GSE1: variants seen among roughly 807,000 people sequenced by gnomAD.
GSE1 encodes genetic suppressor element 1.
In GSE1, 32 loss-of-function variants were observed where a neutral mutation model predicts 112.6. The observed-to-expected ratio is 0.28, with a 90% CI of 0.21 to 0.38. The LOEUF (loss-of-function observed/expected upper bound fraction) is 0.38, where lower values mean the gene tolerates loss of function less well. Among genes scored for constraint, GSE1 ranks in the 10% least tolerant of loss-of-function variants. The probability of loss-of-function intolerance (pLI) is 1.00; values close to 1 mark genes in which losing one functional copy is unlikely to be tolerated. For missense variants in GSE1, 2,348 were observed against 1,699.2 expected, an observed-to-expected ratio of 1.38 and a Z score of -6.71; for synonymous variants, 1,115 against 735.6, an observed-to-expected ratio of 1.52 and a Z score of -8.35.
chr16:85,244,513 G>A (rs1386438226), intron 1 of GSE1, among the ~76,000 whole-genome samples: 1 of 152,100 alleles, frequency 6.6e-6, no homozygotes, highest in African/African-American at 2.4e-5. Context: ...CACTAAGTTG[G>A]TATCATTTGT....
At chr16:85,626,274 G>A (rs538220884) in intron 1 of GSE1, among the ~76,000 whole-genome samples, 4 of 152,264 alleles carry the variant, frequency 2.6e-5, no homozygotes, top group South Asian at 4.1e-4. Flanking sequence ...CTTGGAGCAC[G>A]TGGAGGGCAG....
chr16:85,416,244 A>G (rs1307601323), intron 2 of GSE1, among the ~76,000 whole-genome samples: 1 of 152,242 alleles, frequency 6.6e-6, no homozygotes, highest in Non-Finnish European at 1.5e-5. Flanking sequence ...AAATTGCATT[A>G]TTAAATATGA....
At chr16:85,656,016 C>T in intron 6 of GSE1, 99 bp downstream of exon 6, 3 of 916,492 alleles carry the variant, frequency 3.3e-6, no homozygotes, top group East Asian at 5.2e-5. Context: ...ACTCCTTGGC[C>T]ATGCCTGTCC....
chr16:85,577,529 G>A (rs1379039983), intron 1 of GSE1, among the ~76,000 whole-genome samples: 1 of 152,150 alleles, frequency 6.6e-6, no homozygotes, highest in Admixed American at 6.5e-5. Flanking sequence ...TGCAGTACCT[G>A]CATGGGCTCA....
intron 2 of GSE1, among the ~76,000 whole-genome samples, chr16:85,479,651 G>A (rs553732295): frequency 1.4e-4 from 21 of 152,246 alleles, no homozygotes; most frequent in Admixed American, 7.9e-4. Flanking sequence ...GCTGAGTGTC[G>A]AGGTTTTTAG....
At chr16:85,638,400 C>T (rs1294771737) in intron 2 of GSE1, among the ~76,000 whole-genome samples, 3 of 152,358 alleles carry the variant, frequency 2.0e-5, no homozygotes, top group Admixed American at 1.3e-4. Context: ...TTAACCTACT[C>T]ACCTACTCAC....
chr16:85,466,962 A>G (rs2151836626), intron 2 of GSE1, among the ~76,000 whole-genome samples: 1 of 152,382 alleles, frequency 6.6e-6, no homozygotes, highest in East Asian at 1.9e-4. Context: ...TGATAGGGTT[A>G]GGCAAGAGAA....
intron 2 of GSE1, among the ~76,000 whole-genome samples, chr16:85,646,942 G>A (rs547149608): frequency 6.6e-6 from 1 of 152,120 alleles, no homozygotes; most frequent in Non-Finnish European, 1.5e-5. Flanking sequence ...GTTGGGGACA[G>A]GAGGACTCTT....
chr16:85,624,824 C>T (rs548329580), intron 1 of GSE1, among the ~76,000 whole-genome samples: 6 of 152,332 alleles, frequency 3.9e-5, no homozygotes, highest in African/African-American at 9.6e-5. Context: ...CCCCAGGTAC[C>T]GCCAAGGGCA....
At chr16:85,367,641 C>T (rs572678678) in intron 2 of GSE1, among the ~76,000 whole-genome samples, 2 of 152,294 alleles carry the variant, frequency 1.3e-5, no homozygotes, top group South Asian at 2.1e-4. Context: ...TGCAAGGGCC[C>T]CGGGGCAGCC....
intron 2 of GSE1, among the ~76,000 whole-genome samples, chr16:85,461,691 C>T (rs1013278827): frequency 1.3e-5 from 2 of 152,180 alleles, no homozygotes; most frequent in African/African-American, 4.8e-5. Context: ...TCTCAGGCTG[C>T]AGTCGGTGGG....
chr16:85,319,451 G>A (rs1379850605), intron 1 of GSE1, among the ~76,000 whole-genome samples: 1 of 152,140 alleles, frequency 6.6e-6, no homozygotes, highest in Non-Finnish European at 1.5e-5. Flanking sequence ...GAGCCTCCTC[G>A]TCCTCACCCT....
intron 1 of GSE1, among the ~76,000 whole-genome samples, chr16:85,175,913 C>T (rs141929224): frequency 0.01 from 1,589 of 152,318 alleles, 10 homozygotes; most frequent in Non-Finnish European, 0.017. Context: ...GCTAGTAACC[C>T]CAGGACCAGC....
chr16:85,358,110 C>T (rs886904876), intron 2 of GSE1, among the ~76,000 whole-genome samples: 5 of 152,136 alleles, frequency 3.3e-5, no homozygotes, highest in Middle Eastern at 3.2e-3. Flanking sequence ...CCGTCCTCCC[C>T]CTCCCACTCC....
chr16:85,653,435 CG>C (rs1384470151), intron 3 of GSE1, among the ~76,000 whole-genome samples: 7 of 149,822 alleles, frequency 4.7e-5, no homozygotes, highest in Middle Eastern at 3.4e-3. Flanking sequence ...AGGGGTGGCA[CG>C]GCCTATCCTT....
At chr16:85,327,156 C>T (rs992014590) in intron 1 of GSE1, among the ~76,000 whole-genome samples, 7 of 152,204 alleles carry the variant, frequency 4.6e-5, no homozygotes, top group Non-Finnish European at 1.0e-4. Flanking sequence ...GTGGCAGGGT[C>T]CCAAGACCAG....
At chr16:85,482,721 T>C (rs890978630) in intron 2 of GSE1, among the ~76,000 whole-genome samples, 15 of 152,212 alleles carry the variant, frequency 9.9e-5, no homozygotes, top group African/African-American at 3.6e-4. Context: ...CTCACCCCTG[T>C]AATCCCAGCA....
Position 85,663,525 on chromosome 16 carries a change from A to G in GSE1, c.2555A>G (p.Asp852Gly). 6.2e-7 allele frequency: 1 copy of G among 1,613,866 alleles called. No homozygotes were observed. The highest frequency in any genetic ancestry group is 8.5e-7 in the Non-Finnish European group (1 of 1,179,994). ...RLALSTRYSPDEMNNSPNFEE... is the reference protein window; with the variant it reads ...RLALSTRYSPGEMNNSPNFEE... Reference sequence around the variant, plus strand: ...GCGCTGTCTACCCGCTACAGCCCTGATGAGATGAACAACAGTCCCAACTTC... The same window carrying G: ...GCGCTGTCTACCCGCTACAGCCCTGGTGAGATGAACAACAGTCCCAACTTC... Residue 852 changes from aspartate (D) to glycine (G), a missense_variant, in exon 11 of 16, where the codon GAT becomes GGT. Coordinates refer to ENST00000253458, the MANE Select transcript of GSE1 (RefSeq NM_014615.5).
intron 1 of GSE1, among the ~76,000 whole-genome samples, chr16:85,602,016 C>T (rs1000110899): frequency 4.6e-5 from 7 of 151,912 alleles, no homozygotes; most frequent in African/African-American, 1.7e-4. Context: ...AGGGAGAAGA[C>T]GGGCCTGGAG....
Sources: gnomAD v4.1 joint callset for allele counts (sites outside exome capture counted in the v4.1 genomes callset) on GRCh38, gnomAD v4.1.1 for gene constraint, MANE v1.5 for transcripts, NCBI Gene and HGNC (gene_info 2026-07-23, HGNC 2026-07-21) for gene names.